CSMD3: variants seen among roughly 807,000 people sequenced by gnomAD.
CSMD3 encodes CUB and Sushi multiple domains 3.
Under a neutral mutation model 435.2 loss-of-function variants are expected in CSMD3, and 177 were observed. That is an observed-to-expected ratio of 0.41 (90% confidence interval 0.36 to 0.46). The LOEUF (loss-of-function observed/expected upper bound fraction) is 0.46, where lower values mean the gene tolerates loss of function less well. Among genes scored for constraint, CSMD3 ranks in the 20% least tolerant of loss-of-function variants. The probability of loss-of-function intolerance (pLI) is 0.34; values close to 1 mark genes in which losing one functional copy is unlikely to be tolerated. For missense variants in CSMD3, 4,265 were observed against 4,504.6 expected, an observed-to-expected ratio of 0.95 and a Z score of 1.52; for synonymous variants, 1,656 against 1,520.5, an observed-to-expected ratio of 1.09 and a Z score of -2.07.
intron 22 of CSMD3, among the ~76,000 whole-genome samples, chr8:112,633,826 C>T (rs1243652711): frequency 1.1e-4 from 17 of 151,968 alleles, no homozygotes; most frequent in Non-Finnish European, 2.9e-5. Flanking sequence ...AACCTATATA[C>T]ACACAAATCG....
At chr8:112,428,906 T>G (rs1008287866) in intron 32 of CSMD3, among the ~76,000 whole-genome samples, 1 of 152,078 alleles carries the variant, frequency 6.6e-6, no homozygotes, top group East Asian at 1.9e-4. Flanking sequence ...TTAATTAAAT[T>G]TTTTTGAATT....
At chr8:113,360,663 TC>T (rs924460295) in intron 1 of CSMD3, among the ~76,000 whole-genome samples, 1 of 136,544 alleles carries the variant, frequency 7.3e-6, no homozygotes, top group Non-Finnish European at 1.5e-5. Context: ...AAGCTCCGCC[TC>T]CCGGGTTCAC....
intron 3 of CSMD3, among the ~76,000 whole-genome samples, chr8:113,222,031 GTAAAT>G (rs1411369894): frequency 3.2e-5 from 2 of 62,294 alleles, no homozygotes; most frequent in Non-Finnish European, 6.2e-5. Flanking sequence ...TGAAGGTTAA[GTAAAT>G]GCATGAAGGT....
At chr8:113,235,379 A>G (rs1264809271) in intron 3 of CSMD3, among the ~76,000 whole-genome samples, 1 of 152,046 alleles carries the variant, frequency 6.6e-6, no homozygotes, top group African/African-American at 2.4e-5. Flanking sequence ...AATAGCCATA[A>G]CTTCATCTTT....
chr8:112,725,311 G>A (rs1193400032), intron 13 of CSMD3, among the ~76,000 whole-genome samples: 2 of 151,932 alleles, frequency 1.3e-5, no homozygotes, highest in African/African-American at 4.8e-5. Context: ...GTGGAAAGGA[G>A]TAGCTTTAGA....
At chr8:112,469,936 G>A (rs1387001066) in intron 32 of CSMD3, among the ~76,000 whole-genome samples, 1 of 152,172 alleles carries the variant, frequency 6.6e-6, no homozygotes, top group East Asian at 1.9e-4. Flanking sequence ...ATACTGAAAA[G>A]TAATAAATAT....
intron 5 of CSMD3, among the ~76,000 whole-genome samples, chr8:113,049,019 A>T (rs2087964713): frequency 6.6e-6 from 1 of 152,152 alleles, no homozygotes; most frequent in African/African-American, 2.4e-5. Context: ...CAAGCAGATC[A>T]CTTGAGGTCA....
intron 1 of CSMD3, among the ~76,000 whole-genome samples, chr8:113,353,319 A>T (rs1563735242): frequency 6.6e-6 from 1 of 152,112 alleles, no homozygotes; most frequent in Non-Finnish European, 1.5e-5. Context: ...TTTTTTTAAA[A>T]AATTTTGCAT....
intron 3 of CSMD3, among the ~76,000 whole-genome samples, chr8:113,256,102 A>G (rs2093378381): frequency 6.6e-6 from 1 of 152,016 alleles, no homozygotes; most frequent in Admixed American, 6.6e-5. Flanking sequence ...GAATCCAGGG[A>G]CAAAGAGATT....
intron 7 of CSMD3, among the ~76,000 whole-genome samples, chr8:112,967,559 C>T (rs1564159199): frequency 2.0e-5 from 3 of 151,808 alleles, no homozygotes; most frequent in South Asian, 4.1e-4. Context: ...GCATCTCTGT[C>T]TGCTTTCTGT....
At chr8:113,364,258 TAA>T (rs200394125) in intron 1 of CSMD3, among the ~76,000 whole-genome samples, 2 of 151,490 alleles carry the variant, frequency 1.3e-5, no homozygotes, top group African/African-American at 4.8e-5. Context: ...TTTTTTTTTT[TAA>T]AAAGGATCTG....
chr8:112,498,864 G>A (rs984023154), intron 30 of CSMD3, among the ~76,000 whole-genome samples: 1 of 151,992 alleles, frequency 6.6e-6, no homozygotes, highest in Non-Finnish European at 1.5e-5. Flanking sequence ...CACATTTAAA[G>A]AATGTTATTA....
At chr8:112,930,144 A>T (rs1418601824) in intron 9 of CSMD3, among the ~76,000 whole-genome samples, 1 of 152,118 alleles carries the variant, frequency 6.6e-6, no homozygotes, top group Non-Finnish European at 1.5e-5. Flanking sequence ...TTTGAAGTTC[A>T]CATGTAGGCA....
intron 1 of CSMD3, among the ~76,000 whole-genome samples, chr8:113,398,990 C>A (rs1180662625): frequency 3.4e-5 from 5 of 149,004 alleles, no homozygotes; most frequent in African/African-American, 4.9e-5. Context: ...TGTGCATATT[C>A]CTCTTTGTTG....
At chr8:112,459,995 G>C (rs923206635) in intron 32 of CSMD3, among the ~76,000 whole-genome samples, 1 of 152,016 alleles carries the variant, frequency 6.6e-6, no homozygotes, top group African/African-American at 2.4e-5. Context: ...TTCTGTCACG[G>C]TTATCCCCAT....
intron 4 of CSMD3, among the ~76,000 whole-genome samples, chr8:113,105,043 T>C (rs117665504): frequency 0.029 from 4,429 of 152,126 alleles, 90 homozygotes; most frequent in Admixed American, 0.041. Flanking sequence ...TCAGAATCTC[T>C]AAATAAGACA....
At chr8:112,355,358 A>G (rs1266171114) in intron 38 of CSMD3, among the ~76,000 whole-genome samples, 3 of 152,232 alleles carry the variant, frequency 2.0e-5, no homozygotes, top group Non-Finnish European at 2.9e-5. Flanking sequence ...GTAAGACCTA[A>G]TTAAACTACA....
chr8:113,109,566 G>C (rs1165484237), intron 4 of CSMD3, among the ~76,000 whole-genome samples: 2 of 152,192 alleles, frequency 1.3e-5, no homozygotes, highest in Non-Finnish European at 2.9e-5. Flanking sequence ...TATAGCTCAA[G>C]AATAATATTC....
At chr8:112,292,160 T>C (rs1032930282) in intron 55 of CSMD3, among the ~76,000 whole-genome samples, 1 of 152,040 alleles carries the variant, frequency 6.6e-6, no homozygotes, top group Admixed American at 6.6e-5. Flanking sequence ...GGCCCACATA[T>C]AGTTTTCAGA....
Sources: allele counts gnomAD v4.1 joint callset (sites outside exome capture counted in the v4.1 genomes callset), GRCh38; gene constraint gnomAD v4.1.1; transcripts MANE v1.5; gene names NCBI Gene and HGNC (gene_info 2026-07-23, HGNC 2026-07-21).